The following LOC122539214 variants were observed in gnomAD, a reference collection of about 807,000 sequenced individuals.
chr19:52,660,564 T>C, the LOC122539214 span, among the ~76,000 whole-genome samples: 6 of 152,080 alleles, frequency 3.9e-5, no homozygotes, highest in South Asian at 1.2e-3. Flanking sequence ...GTTACAGTGA[T>C]CCCAGATTGC....
chr19:52,652,023 G>T, the LOC122539214 span: 1 of 203,204 alleles, frequency 4.9e-6, no homozygotes, highest in South Asian at 9.1e-5. Flanking sequence ...TCTCAAAAAT[G>T]AATTTTCTAC....
At chr19:52,685,032 G>A in the LOC122539214 span, among the ~76,000 whole-genome samples, 1 of 152,220 alleles carries the variant, frequency 6.6e-6, no homozygotes, top group Non-Finnish European at 1.5e-5. Flanking sequence ...TGGTCTCTGT[G>A]TCTGAGTCTA....
At chr19:52,664,662 C>T in the LOC122539214 span, among the ~76,000 whole-genome samples, 1 of 143,772 alleles carries the variant, frequency 7.0e-6, no homozygotes, top group African/African-American at 2.6e-5. Flanking sequence ...GGAGGTGAGC[C>T]GGGCCTGAGC....
chr19:52,670,861 C>G, the LOC122539214 span, among the ~76,000 whole-genome samples: 1 of 152,124 alleles, frequency 6.6e-6, no homozygotes, highest in Admixed American at 6.5e-5. Context: ...TTGAGTTTGT[C>G]TAAATACCTG....
the LOC122539214 span, among the ~76,000 whole-genome samples, chr19:52,662,124 T>G: frequency 2.6e-5 from 4 of 152,208 alleles, no homozygotes; most frequent in Non-Finnish European, 4.4e-5. Context: ...ATTTTGGAAA[T>G]GATGTATTTT....
At chr19:52,680,828 G>T in the LOC122539214 span, among the ~76,000 whole-genome samples, 4 of 150,116 alleles carry the variant, frequency 2.7e-5, no homozygotes, top group Admixed American at 2.0e-4. Flanking sequence ...TAGCCAGGAT[G>T]GTCTCGATCT....
chr19:52,656,864 C>CAAAAAAAAA, the LOC122539214 span, among the ~76,000 whole-genome samples: 3 of 136,546 alleles, frequency 2.2e-5, no homozygotes, highest in Non-Finnish European at 3.3e-5. Flanking sequence ...GACTCCGTCT[C>CAAAAAAAAA]AAAAAAAAAA....
At chr19:52,675,133 T>C in the LOC122539214 span, among the ~76,000 whole-genome samples, 1 of 152,202 alleles carries the variant, frequency 6.6e-6, no homozygotes, top group Non-Finnish European at 1.5e-5. Flanking sequence ...AAGTTCAGAA[T>C]CTGTACTATA....
the LOC122539214 span, among the ~76,000 whole-genome samples, chr19:52,658,522 A>G: frequency 6.6e-6 from 1 of 152,170 alleles, no homozygotes; most frequent in African/African-American, 2.4e-5. Context: ...CCGAGATTGC[A>G]CCACTGCACT....
chr19:52,686,503 G>GA, the LOC122539214 span, among the ~76,000 whole-genome samples: 10 of 143,908 alleles, frequency 6.9e-5, no homozygotes, highest in South Asian at 2.2e-4. Flanking sequence ...AAACCAGAAA[G>GA]AAAAAAAAAA....
At chr19:52,653,292 C>T in the LOC122539214 span, 1 of 1,404,526 alleles carries the variant, frequency 7.1e-7, no homozygotes, top group Non-Finnish European at 1.0e-6. Context: ...GATTAAAAAC[C>T]TTACCACATT....
At chr19:52,653,260 T>C in the LOC122539214 span, 2 of 1,504,888 alleles carry the variant, frequency 1.3e-6, no homozygotes, top group South Asian at 1.1e-5. Flanking sequence ...AAGCCTATAA[T>C]GACATGCAAG....
At chr19:52,661,526 A>G in the LOC122539214 span, among the ~76,000 whole-genome samples, 1 of 152,212 alleles carries the variant, frequency 6.6e-6, no homozygotes, top group Non-Finnish European at 1.5e-5. Flanking sequence ...GAGAATCACC[A>G]GCGCCATCGT....
chr19:52,685,662 C>T, the LOC122539214 span, among the ~76,000 whole-genome samples: 1 of 151,834 alleles, frequency 6.6e-6, no homozygotes, highest in Admixed American at 6.6e-5. Context: ...ATTGGGAGGT[C>T]GAGGTGGGCA....
chr19:52,662,201 G>T, the LOC122539214 span, among the ~76,000 whole-genome samples: 1 of 152,134 alleles, frequency 6.6e-6, no homozygotes, highest in Non-Finnish European at 1.5e-5. Context: ...ACAAATAATG[G>T]AATTCATTTC....
chr19:52,656,293 A>G, the LOC122539214 span, among the ~76,000 whole-genome samples: 1 of 152,008 alleles, frequency 6.6e-6, no homozygotes, highest in Non-Finnish European at 1.5e-5. Context: ...ATACCAAGGT[A>G]GGTGGATCAC....
At chr19:52,677,075 A>T in the LOC122539214 span, among the ~76,000 whole-genome samples, 1 of 148,346 alleles carries the variant, frequency 6.7e-6, no homozygotes, top group South Asian at 2.1e-4. Context: ...CTGTTGTCCT[A>T]TGACCCTGCC....
the LOC122539214 span, among the ~76,000 whole-genome samples, chr19:52,664,174 C>T: frequency 7.1e-6 from 1 of 140,344 alleles, no homozygotes; most frequent in Non-Finnish European, 1.5e-5. Flanking sequence ...TGAGCCACTG[C>T]ACCAGGCCTA....
chr19:52,668,273 A>C, the LOC122539214 span, among the ~76,000 whole-genome samples: 3 of 152,166 alleles, frequency 2.0e-5, no homozygotes, highest in African/African-American at 7.2e-5. Context: ...CATACAGCAG[A>C]AAGGGAGGGA....
Sources: allele counts gnomAD v4.1 joint callset (sites outside exome capture counted in the v4.1 genomes callset), GRCh38; gene constraint gnomAD v4.1.1; transcripts MANE v1.5.